TTC7A: variants seen among roughly 807,000 people sequenced by gnomAD.
The protein encoded by TTC7A is tetratricopeptide repeat protein 7A.
Under a neutral mutation model 103.7 loss-of-function variants are expected in TTC7A, and 110 were observed. The ratio of observed to expected loss-of-function variants is 1.06; its 90% CI spans 0.91 to 1.24. The LOEUF is 1.24. Among genes scored for constraint, TTC7A ranks in the 50% most tolerant of loss-of-function variants. TTC7A has a pLI of 0.00. For synonymous variants in TTC7A, 521 were observed against 467.9 expected, an observed-to-expected ratio of 1.11 and a Z score of -1.47; for missense variants, 1,340 against 1,116.3, an observed-to-expected ratio of 1.20 and a Z score of -2.86.
intron 12 of TTC7A, among the ~76,000 whole-genome samples, chr2:47,023,118 G>C (rs1444533156): frequency 6.6e-6 from 1 of 152,260 alleles, no homozygotes; most frequent in Non-Finnish European, 1.5e-5. Context: ...CTCAAGGCTT[G>C]GGCCTCCTGG....
At chr2:47,017,912 G>A (rs1678844856) in intron 11 of TTC7A, among the ~76,000 whole-genome samples, 1 of 144,390 alleles carries the variant, frequency 6.9e-6, no homozygotes, top group South Asian at 2.2e-4. Context: ...AAGATTAATT[G>A]TATAATACAT....
rs190829969 is a variant in TTC7A, at chr2:46,954,335, A to G, written c.349-2504A>G. ...GCGACCTCCCCCGTGGCACCCTCCC[A>G]CTGGGCAAGGGGTTCCGTTCCCTGA... On this transcript the variant is annotated intron_variant, in intron 2 of 19. Coordinates refer to ENST00000319190, the MANE Select transcript of TTC7A (RefSeq NM_020458.4). Among the ~76,000 whole-genome samples, 27 of 152,216 alleles carry G rather than the reference A, an allele frequency of 1.8e-4. No individual in the cohort carries two copies. The East Asian group carries it at 5.0e-3, about 28-fold the overall frequency.
At chr2:47,068,149 C>A (rs919885) in intron 19 of TTC7A, 1 of 151,974 alleles carries the variant, frequency 6.6e-6, no homozygotes, top group Non-Finnish European at 1.5e-5. Flanking sequence ...CCTGACCTAC[C>A]GCCATGCCGG....
At chr2:46,930,595 G>C (rs1669643409) in intron 2 of TTC7A, among the ~76,000 whole-genome samples, 1 of 151,250 alleles carries the variant, frequency 6.6e-6, no homozygotes, top group South Asian at 2.1e-4. Flanking sequence ...TGCCTCCCAG[G>C]TTCAAGCGAT....
chr2:47,014,638 G>A (rs1286530292), intron 11 of TTC7A, among the ~76,000 whole-genome samples: 3 of 152,162 alleles, frequency 2.0e-5, no homozygotes, highest in Admixed American at 2.0e-4. Context: ...GCATGAGACA[G>A]GGCACAGATC....
At chr2:47,033,780 C>A (rs1374143826) in intron 15 of TTC7A, among the ~76,000 whole-genome samples, 7 of 152,146 alleles carry the variant, frequency 4.6e-5, no homozygotes, top group Non-Finnish European at 1.0e-4. Context: ...GGAGGCTGCC[C>A]ACCAACAGCG....
At chr2:46,974,604 A>G (rs575288332) in intron 3 of TTC7A, 1 of 453,592 alleles carries the variant, frequency 2.2e-6, no homozygotes, top group Non-Finnish European at 4.4e-6. Context: ...GCTAAGTAGG[A>G]AATGGGGAAC....
At chr2:46,917,276 G>T (rs1307413795) in exon 2 of TTC7A, 2 of 679,248 alleles carry the variant, frequency 2.9e-6, no homozygotes, top group Admixed American at 2.3e-5. Flanking sequence ...GGGATTACAG[G>T]GGTGAGCCAC....
chr2:46,989,799 C>A (rs1030933335), intron 5 of TTC7A, among the ~76,000 whole-genome samples: 3 of 144,128 alleles, frequency 2.1e-5, no homozygotes, highest in Non-Finnish European at 3.0e-5. Flanking sequence ...TCTTTAATTG[C>A]GTGTGTGTGT....
At chr2:46,986,403 C>T (rs1210051208) in intron 5 of TTC7A, among the ~76,000 whole-genome samples, 1 of 152,212 alleles carries the variant, frequency 6.6e-6, no homozygotes, top group African/African-American at 2.4e-5. Context: ...GATGCCCCGC[C>T]CTCACTGCGG....
At chr2:46,936,456 C>G (rs1291507916), upstream of TTC7A, among the ~76,000 whole-genome samples, 2 of 152,132 alleles carry the variant, frequency 1.3e-5, no homozygotes, top group African/African-American at 4.8e-5. Context: ...TCTCCGGACC[C>G]TCTGTCTGCT....
chr2:47,048,398 C>T (rs987976778), intron 16 of TTC7A, among the ~76,000 whole-genome samples: 2 of 152,142 alleles, frequency 1.3e-5, no homozygotes, highest in Non-Finnish European at 2.9e-5. Context: ...TGCACCCAGC[C>T]CTGCTCCATG....
intron 5 of TTC7A, among the ~76,000 whole-genome samples, chr2:46,979,741 C>T (rs2104276840): frequency 6.6e-6 from 1 of 152,344 alleles, no homozygotes; most frequent in South Asian, 2.1e-4. Flanking sequence ...CTGCTGGCAA[C>T]ATCTCCACCA....
rs1678546026 is a variant in TTC7A at position 47,015,508 on chromosome 2, C to A, written c.1392+4073C>A. ...GGTAGAGTTCAAATTTCTGCCTACC[C>A]ATGTACTCCCACTTACTAGCTGTGT... On this transcript the variant is annotated intron_variant, in intron 11 of 19. Transcript: ENST00000319190. 2.6e-5 allele frequency among the ~76,000 whole-genome samples: 4 copies of A among 152,172 alleles called. No homozygotes were observed. In the South Asian group the frequency reaches 8.3e-4, roughly 32 times the overall value.
chr2:46,940,931 A>T (rs4314044), upstream of TTC7A, among the ~76,000 whole-genome samples: 1 of 151,680 alleles, frequency 6.6e-6, no homozygotes, highest in Non-Finnish European at 1.5e-5. The surrounding 1 kb of genome is among the most constrained non-coding windows in gnomAD (Gnocchi z 4.7). Context: ...GTCGTCGGGC[A>T]GTGGTCTCCC....
At chr2:47,038,641 TCCCCCCACCCACCCC>T (rs1681410540) in intron 15 of TTC7A, among the ~76,000 whole-genome samples, 1 of 52,204 alleles carries the variant, frequency 1.9e-5, no homozygotes, top group Non-Finnish European at 3.6e-5. Flanking sequence ...CCACCCACCC[TCCCCCCACCCACCCC>T]CCCGACACAC....
intron 3 of TTC7A, among the ~76,000 whole-genome samples, chr2:46,966,905 T>TTG (rs1430962378): frequency 1.3e-5 from 2 of 151,458 alleles, no homozygotes; most frequent in African/African-American, 4.8e-5. Context: ...TTTTTGTTTT[T>TTG]TTTTTTTCCG....
chr2:46,980,448 G>T (rs1674329852), intron 5 of TTC7A, among the ~76,000 whole-genome samples: 4 of 152,182 alleles, frequency 2.6e-5, no homozygotes, highest in Admixed American at 2.6e-4. Context: ...TTGGACTCAA[G>T]TGATCCTCCC....
At chr2:46,916,155 C>T, upstream of TTC7A, 12 of 985,518 alleles carry the variant, frequency 1.2e-5, no homozygotes, top group South Asian at 4.7e-5. Context: ...TCCGCTCACC[C>T]CCTCCTATAC....
Sources: allele counts gnomAD v4.1 joint callset (sites outside exome capture counted in the v4.1 genomes callset), GRCh38; gene constraint gnomAD v4.1.1; non-coding constraint Gnocchi (gnomAD v3.1); transcripts MANE v1.5; gene names NCBI Gene and HGNC (gene_info 2026-07-23, HGNC 2026-07-21).